INPP4B: variants seen among roughly 807,000 people sequenced by gnomAD.
INPP4B encodes inositol polyphosphate-4-phosphatase type II B.
In INPP4B, 55 loss-of-function variants were observed where a neutral mutation model predicts 122.5. The observed-to-expected ratio is 0.45, with a 90% CI of 0.36 to 0.56. INPP4B has a LOEUF of 0.56. Among genes scored for constraint, INPP4B ranks in the 20% least tolerant of loss-of-function variants. The pLI is 0.00. For synonymous variants in INPP4B, 403 were observed against 388.7 expected, an observed-to-expected ratio of 1.04 and a Z score of -0.43; for missense variants, 1,000 against 1,097.7, an observed-to-expected ratio of 0.91 and a Z score of 1.26.
At chr4:142,747,082 G>A (rs1426168054) in intron 1 of INPP4B, among the ~76,000 whole-genome samples, 1 of 152,074 alleles carries the variant, frequency 6.6e-6, no homozygotes, top group African/African-American at 2.4e-5. Flanking sequence ...AGAGTGAACA[G>A]GCAACCTAGA....
At chr4:142,266,277 T>C (rs1742771685) in intron 10 of INPP4B, among the ~76,000 whole-genome samples, 1 of 152,102 alleles carries the variant, frequency 6.6e-6, no homozygotes, top group South Asian at 2.1e-4. Context: ...GAAAGTCTGC[T>C]CCAAAACTTT....
intron 14 of INPP4B, among the ~76,000 whole-genome samples, chr4:142,197,121 C>T (rs1186737320): frequency 7.5e-4 from 13 of 17,340 alleles, no homozygotes; most frequent in Non-Finnish European, 1.5e-3. Context: ...AGTGAAACTC[C>T]GTCTCAAAAA....
chr4:142,834,029 A>T (rs1040168336), intron 1 of INPP4B, among the ~76,000 whole-genome samples: 6 of 152,174 alleles, frequency 3.9e-5, no homozygotes, highest in Non-Finnish European at 7.3e-5. Context: ...CAGATTTTGT[A>T]CTAGTTAGTA....
intron 25 of INPP4B, among the ~76,000 whole-genome samples, chr4:142,042,402 C>T (rs1748252193): frequency 6.6e-6 from 1 of 152,098 alleles, no homozygotes; most frequent in Admixed American, 6.6e-5. Context: ...GAGATTGAAG[C>T]TCTTGAATCT....
chr4:142,819,604 G>A (rs1242797983), intron 1 of INPP4B, among the ~76,000 whole-genome samples: 1 of 152,106 alleles, frequency 6.6e-6, no homozygotes, highest in African/African-American at 2.4e-5. Context: ...AATTCTATCT[G>A]CATTCCTTTT....
At chr4:142,416,153 TA>T (rs993475013) in intron 5 of INPP4B, among the ~76,000 whole-genome samples, 6 of 151,790 alleles carry the variant, frequency 4.0e-5, no homozygotes, top group African/African-American at 1.4e-4. Context: ...TAAAGTATAA[TA>T]AAAAAAATAG....
chr4:142,699,521 G>C (rs1011116202), intron 2 of INPP4B, among the ~76,000 whole-genome samples: 3 of 152,094 alleles, frequency 2.0e-5, no homozygotes, highest in Admixed American at 6.6e-5. Context: ...AATGTGTCTG[G>C]AGAAAATCCC....
chr4:142,339,155 C>T (rs954287579), intron 7 of INPP4B, among the ~76,000 whole-genome samples: 2 of 152,102 alleles, frequency 1.3e-5, no homozygotes, highest in Admixed American at 6.5e-5. Flanking sequence ...GTGATAATAC[C>T]TCTACCAATA....
chr4:142,116,542 C>A (rs969164924), intron 21 of INPP4B, among the ~76,000 whole-genome samples: 1 of 152,172 alleles, frequency 6.6e-6, no homozygotes, highest in African/African-American at 2.4e-5. Context: ...GGAAACTGAA[C>A]AACCTGCTCC....
intron 2 of INPP4B, among the ~76,000 whole-genome samples, chr4:142,699,203 C>T (rs770217547): frequency 2.6e-5 from 4 of 152,158 alleles, no homozygotes; most frequent in Non-Finnish European, 4.4e-5. Context: ...GGTTTATTGT[C>T]ATAATCAGCT....
chr4:142,512,044 G>T (rs1249544391), intron 2 of INPP4B, among the ~76,000 whole-genome samples: 1 of 152,086 alleles, frequency 6.6e-6, no homozygotes, highest in African/African-American at 2.4e-5. Flanking sequence ...GGTAAACTTT[G>T]CTAACCCAAT....
At chr4:142,457,252 A>G (rs929419159) in intron 3 of INPP4B, among the ~76,000 whole-genome samples, 52 of 152,210 alleles carry the variant, frequency 3.4e-4, no homozygotes, top group African/African-American at 1.2e-3. Flanking sequence ...AAAACATAGT[A>G]CAGTCCATAA....
intron 22 of INPP4B, among the ~76,000 whole-genome samples, chr4:142,111,133 G>A (rs1789807299): frequency 6.6e-6 from 1 of 152,142 alleles, no homozygotes; most frequent in African/African-American, 2.4e-5. Flanking sequence ...TAATTATCAA[G>A]GCAAGGAATA....
intron 2 of INPP4B, among the ~76,000 whole-genome samples, chr4:142,506,568 G>C (rs902024815): frequency 6.6e-6 from 1 of 152,160 alleles, no homozygotes; most frequent in Non-Finnish European, 1.5e-5. Flanking sequence ...CAGACAGGGA[G>C]ACATTGTCTC....
At chr4:142,482,454 C>A (rs1820678185) in intron 2 of INPP4B, among the ~76,000 whole-genome samples, 1 of 152,128 alleles carries the variant, frequency 6.6e-6, no homozygotes, top group African/African-American at 2.4e-5. Context: ...GCCTGATTCC[C>A]ATGCCTACTA....
At position 142,331,823 on chromosome 4, in the gene INPP4B, C is replaced by G. The variant is rs189440468; in HGVS notation, c.373-17061G>C. ...TTCAAAATTTTCTCTATCTTTGGAG[C>G]TTCTAATTGTGATCCTTACAGGCCA... On this transcript the variant is annotated intron_variant, in intron 7 of 25. Transcript: ENST00000262992. 2.1e-5 allele frequency among the ~76,000 whole-genome samples: 3 copies of G among 141,906 alleles called. No individual in the cohort carries two copies. The Admixed American group carries it at 2.3e-4, about 11-fold the overall frequency. 93.1% of individuals were successfully genotyped at this position (141,906 alleles called of 152,430 possible). A position where few individuals can be genotyped will look rare whatever the true frequency, so the allele number is the denominator to read the frequency against.
In INPP4B at chr4:142,192,354, A is replaced by AAAAAAAAAAAAAAAAAAAG. The variant is rs148371542; in HGVS notation, c.1181+732_1181+733insCTTTTTTTTTTTTTTTTTT. Among the ~76,000 whole-genome samples, 56 of 73,182 alleles carry AAAAAAAAAAAAAAAAAAAG rather than the reference A, an allele frequency of 7.7e-4. 8 individuals are homozygous for AAAAAAAAAAAAAAAAAAAG. The highest frequency in any genetic ancestry group is 1.3e-3 in the Non-Finnish European group (45 of 35,800). The allele number at this position is 73,182 out of a possible 152,430, so 48.0% of individuals were successfully genotyped here. ...AAAGTAAAAAAAAAAAAAAAAAAAA[A>AAAAAAAAAAAAAAAAAAAG]TGGGATTCTTAAGAAGAATAACTAT... On this transcript the variant is annotated intron_variant, in intron 15 of 25. Coordinates refer to ENST00000262992, the MANE Select transcript of INPP4B (RefSeq NM_001101669.3).
Position 142,092,540 on chromosome 4 carries a change from C to T in INPP4B, c.2375-6284G>A, listed in dbSNP as rs575051739. On this transcript the variant is annotated intron_variant, in intron 23 of 25. Transcript: ENST00000262992. ...TCCTGACCTCAGGTGATCCACCCGCCTAGGCCTCCCAAAGTGCTGGGATTA... is the reference window on the plus strand; with the variant it reads ...TCCTGACCTCAGGTGATCCACCCGCTTAGGCCTCCCAAAGTGCTGGGATTA... Among the ~76,000 whole-genome samples, 24 of 152,294 alleles carry T rather than the reference C, an allele frequency of 1.6e-4. No individual in the cohort carries two copies. In the South Asian group the frequency reaches 4.1e-3, roughly 26 times the overall value.
chr4:142,152,380 T>C (rs1026177861), intron 17 of INPP4B, among the ~76,000 whole-genome samples: 1 of 152,044 alleles, frequency 6.6e-6, no homozygotes, highest in Non-Finnish European at 1.5e-5. Context: ...CGGCACTTTT[T>C]TTTCTTTTTA....
Sources: gnomAD v4.1 joint callset for allele counts (sites outside exome capture counted in the v4.1 genomes callset) on GRCh38, gnomAD v4.1.1 for gene constraint, MANE v1.5 for transcripts, NCBI Gene and HGNC (gene_info 2026-07-23, HGNC 2026-07-21) for gene names.